PSME3: variants seen among roughly 807,000 people sequenced by gnomAD.
The protein encoded by PSME3 is proteasome activator subunit 3.
PSME3 carries 7 observed loss-of-function variants against 38.3 expected under a neutral mutation model. The ratio of observed to expected loss-of-function variants is 0.18; its 90% CI spans 0.10 to 0.34. The LOEUF is 0.34. Ranked by LOEUF, PSME3 falls within the 10% of genes least tolerant of loss-of-function variation. The pLI is 1.00. For missense variants in PSME3, 192 were observed against 307.6 expected (o/e 0.62, Z 2.81); for synonymous variants, 108 against 105.7 (o/e 1.02, Z -0.13).
chr17:42,833,540 G>A lies in PSME3; in HGVS notation c.-92G>A. 1.9e-6 allele frequency: 3 copies of A among 1,554,358 alleles called. No individual in the cohort carries two copies. The highest frequency in any genetic ancestry group is 1.7e-5 in the Admixed American group (1 of 59,140). ...CCAGCAAGGGCGGTCGGGTCCCGAGGTCAGCCGAGATTTCTCAGGTCCCTC... is the reference window on the plus strand; with the variant it reads ...CCAGCAAGGGCGGTCGGGTCCCGAGATCAGCCGAGATTTCTCAGGTCCCTC... On this transcript the variant is annotated 5_prime_UTR_variant, in exon 1 of 11. Transcript: ENST00000590720.
Position 42,837,649 on chromosome 17 carries a change from C to T in PSME3, c.244C>T (p.Pro82Ser), listed in dbSNP as rs1341073673. The change falls in exon 5 of 11, where the codon CCC (proline) becomes TCC (serine). Residue 82 changes from proline (P) to serine (S), a missense_variant and splice_region_variant. This residue lies in a region of PSME3 where 110 missense variants were observed against 139.3 expected (regional missense o/e 0.79). Transcript: ENST00000590720. ...LTNSHDGLDGPTYKKRRLDEC... is the reference protein window; with the variant it reads ...LTNSHDGLDGSTYKKRRLDEC... ...CATCCCTGCCTCTTTGTATCCTTAGCCCACTTATAAGAAGCGAAGGTTGGA... is the reference window on the plus strand; with the variant it reads ...CATCCCTGCCTCTTTGTATCCTTAGTCCACTTATAAGAAGCGAAGGTTGGA... 1.9e-6 allele frequency: 3 copies of T among 1,613,932 alleles called. No homozygotes were observed. Among genetic ancestry groups the T allele is most frequent in the Non-Finnish European group, 2.5e-6 (3 of 1,179,980 alleles).
chr17:42,841,027 G>A (rs1446791662), intron 10 of PSME3, among the ~76,000 whole-genome samples: 1 of 151,764 alleles, frequency 6.6e-6, no homozygotes, highest in South Asian at 2.1e-4. Flanking sequence ...CAGCTACTCA[G>A]GTGGCTGAGG....
chr17:42,840,423 T>A (rs2055517553), intron 10 of PSME3, among the ~76,000 whole-genome samples: 1 of 151,920 alleles, frequency 6.6e-6, no homozygotes, highest in Non-Finnish European at 1.5e-5. Context: ...CTGGCCAACA[T>A]GGTGAAACCC....
chr17:42,837,987 A>G, intron 5 of PSME3, 106 bp from the exon 6 acceptor site: 1 of 1,218,614 alleles, frequency 8.2e-7, no homozygotes, highest in Non-Finnish European at 1.2e-6. Context: ...ATTGTGACAA[A>G]GGCAGAGGTC....
intron 4 of PSME3, among the ~76,000 whole-genome samples, chr17:42,835,433 G>T (rs1727400152): frequency 6.6e-6 from 1 of 151,812 alleles, no homozygotes; most frequent in African/African-American, 2.4e-5. Flanking sequence ...AAATAAAAGA[G>T]AACTAGCTTA....
At chr17:42,836,000 CTTTTTTT>C (rs1210980760) in intron 4 of PSME3, among the ~76,000 whole-genome samples, 1 of 128,538 alleles carries the variant, frequency 7.8e-6, no homozygotes, top group Non-Finnish European at 1.7e-5. Context: ...CAGGAACTAT[CTTTTTTT>C]TTTTTTTTTT....
chr17:42,837,584 G>A, intron 4 of PSME3, 65 bp from the exon 5 acceptor site: 1 of 1,488,536 alleles, frequency 6.7e-7, no homozygotes, highest in Non-Finnish European at 9.4e-7. Flanking sequence ...CTTGCTTGAA[G>A]GGTATCTTGT....
intron 9 of PSME3, 50 bp from the exon 10 acceptor site, chr17:42,839,244 G>A: frequency 6.3e-7 from 1 of 1,576,352 alleles, no homozygotes; most frequent in Non-Finnish European, 8.7e-7. Context: ...GGAGCTGTCT[G>A]GAAACAATTG....
At chr17:42,835,761 C>G (rs988398119) in intron 4 of PSME3, among the ~76,000 whole-genome samples, 6 of 152,018 alleles carry the variant, frequency 3.9e-5, no homozygotes, top group African/African-American at 1.5e-4. Context: ...ATCAGGTTAC[C>G]TGGTTTTTCC....
At chr17:42,834,147 C>T in intron 1 of PSME3, 197 bp from the exon 2 acceptor site, 1 of 1,486,184 alleles carries the variant, frequency 6.7e-7, no homozygotes, top group African/African-American at 1.4e-5. Context: ...AGGAGACAGG[C>T]AGGTGCTGTC....
intron 1 of PSME3, chr17:42,834,085 C>G (rs1313331139): frequency 6.9e-7 from 1 of 1,445,854 alleles, no homozygotes; most frequent in South Asian, 1.5e-5. Flanking sequence ...GTCTGCTTAT[C>G]AAATTCAGAC....
Position 42,834,886 on chromosome 17 carries a change from C to G in PSME3, c.243+10C>G. 6.2e-7 allele frequency: 1 copy of G among 1,613,068 alleles called. No individual in the cohort carries two copies. The stretch of plus-strand genomic sequence containing the variant: ...TGATGGACTGGATGGTGTAAGTGTC[C>G]TATATTTATCTTTGTGTTCTTGAGC... On this transcript the variant is annotated intron_variant, in intron 4 of 10. Coordinates refer to ENST00000590720, the MANE Select transcript of PSME3 (RefSeq NM_005789.4).
rs777366069 is a variant in PSME3, at chr17:42,839,056, G to T, written c.542+44G>T. On this transcript the variant is annotated intron_variant, in intron 8 of 10. Coordinates refer to ENST00000590720, the MANE Select transcript of PSME3 (RefSeq NM_005789.4). ...GGCCGAGGCGTTGGGGGCTGATGAG[G>T]TGGTGGGCACCATCAAGGGTCTCCT... The T allele has an allele frequency of 2.2e-5, 36 of 1,603,906 alleles. No homozygotes were observed. In the East Asian group the frequency reaches 8.0e-4, roughly 36 times the overall value.
In PSME3 at chr17:42,834,497, A is replaced by AT; in HGVS notation, c.76-14dup. ...TTCCCACAGATATTAATTCAGCTGT[A>AT]TTTTCCCTCTTCCTTAGGCAGAAGA... On this transcript the variant is annotated splice_polypyrimidine_tract_variant and intron_variant, in intron 2 of 10. Coordinates refer to ENST00000590720, the MANE Select transcript of PSME3 (RefSeq NM_005789.4). 1.2e-6 allele frequency: 2 copies of AT among 1,611,634 alleles called. No homozygotes were observed. The highest frequency in any genetic ancestry group is 1.7e-6 in the Non-Finnish European group (2 of 1,178,122).
At chr17:42,837,115 A>C (rs2055473159) in intron 4 of PSME3, among the ~76,000 whole-genome samples, 1 of 152,018 alleles carries the variant, frequency 6.6e-6, no homozygotes, top group Non-Finnish European at 1.5e-5. Flanking sequence ...GCAGTGGTGC[A>C]ATCTCGGCTC....
intron 4 of PSME3, among the ~76,000 whole-genome samples, chr17:42,835,386 A>G (rs1451794416): frequency 1.3e-5 from 2 of 151,542 alleles, no homozygotes; most frequent in Non-Finnish European, 2.9e-5. Context: ...CGTGAAGTGA[A>G]TGTGCTAATG....
intron 4 of PSME3, among the ~76,000 whole-genome samples, chr17:42,836,378 T>C (rs1045597870): frequency 3.3e-5 from 5 of 152,180 alleles, no homozygotes; most frequent in Admixed American, 3.3e-4. Flanking sequence ...GCTGAATACA[T>C]GTTTGTTAAC....
Position 42,833,953 on chromosome 17 carries a change from C to T in PSME3, c.42+280C>T, listed in dbSNP as rs944020855. On this transcript the variant is annotated intron_variant, in intron 1 of 10. Coordinates refer to ENST00000590720, the MANE Select transcript of PSME3 (RefSeq NM_005789.4). Reference sequence around the variant, plus strand: ...CCGTGACAGCTGGTAATCCCCCAGCCCAACAACGTCCCTGGACACTGCCCC... The same window carrying T: ...CCGTGACAGCTGGTAATCCCCCAGCTCAACAACGTCCCTGGACACTGCCCC... 4.2e-6 allele frequency: 6 copies of T among 1,439,434 alleles called. No homozygotes were observed. The South Asian group carries it at 8.9e-5, about 21-fold the overall frequency. The allele number at this position is 1,439,434 out of a possible 1,614,324, so 89.2% of individuals were successfully genotyped here. A position where few individuals can be genotyped will look rare whatever the true frequency, so the allele number is the denominator to read the frequency against.
chr17:42,841,266 C>G (rs78605612), intron 10 of PSME3, among the ~76,000 whole-genome samples: 3,506 of 151,688 alleles, frequency 0.023, 51 homozygotes, highest in Non-Finnish European at 0.035. Context: ...AAAATGACAT[C>G]GAACAAAATG....
Sources: allele counts gnomAD v4.1 joint callset (sites outside exome capture counted in the v4.1 genomes callset), GRCh38; gene constraint gnomAD v4.1.1; regional missense constraint gnomAD v4.1.1; transcripts MANE v1.5; gene names NCBI Gene and HGNC (gene_info 2026-07-23, HGNC 2026-07-21).